The following MYO5B variants were observed in gnomAD, a reference collection of about 807,000 sequenced individuals.
The protein encoded by MYO5B is unconventional myosin-Vb.
A neutral mutation model predicts 229.3 loss-of-function variants in MYO5B; 143 were observed. That is an observed-to-expected ratio of 0.62 (90% CI 0.54 to 0.72). MYO5B has a LOEUF of 0.72. MYO5B is among the 30% of genes least tolerant of loss of function. The pLI, the probability that MYO5B is intolerant of heterozygous loss-of-function variation, is 0.00. For synonymous variants in MYO5B, 918 were observed against 885.2 expected (o/e 1.04, Z -0.66); for missense variants, 2,321 against 2,331.0 (o/e 1.00, Z 0.09).
chr18:50,158,134 C>T (rs1370783178), intron 1 of MYO5B, among the ~76,000 whole-genome samples: 2 of 152,144 alleles, frequency 1.3e-5, no homozygotes, highest in East Asian at 3.9e-4. Flanking sequence ...GAGAGGGATC[C>T]AGCAAATAAT....
intron 14 of MYO5B, among the ~76,000 whole-genome samples, chr18:49,952,943 C>T (rs149430307): frequency 1.2e-3 from 178 of 152,096 alleles, no homozygotes; most frequent in Non-Finnish European, 2.2e-3. Flanking sequence ...GCTCACCGTC[C>T]TCTCTTCCTG....
chr18:50,119,595 G>A (rs956986157), intron 1 of MYO5B, among the ~76,000 whole-genome samples: 2 of 152,156 alleles, frequency 1.3e-5, no homozygotes, highest in African/African-American at 4.8e-5. Flanking sequence ...GAGCTTTCCC[G>A]AAGTCCCAGG....
chr18:50,120,253 C>T (rs150158597), intron 1 of MYO5B, among the ~76,000 whole-genome samples: 2 of 152,280 alleles, frequency 1.3e-5, no homozygotes, highest in Non-Finnish European at 2.9e-5. Context: ...CAGGAAGCAC[C>T]GAGTGTAAAT....
intron 1 of MYO5B, among the ~76,000 whole-genome samples, chr18:50,073,266 A>C (rs1334983050): frequency 6.6e-6 from 1 of 152,220 alleles, no homozygotes; most frequent in Non-Finnish European, 1.5e-5. Flanking sequence ...CATACCAGCA[A>C]ATAATTTATA....
intron 1 of MYO5B, among the ~76,000 whole-genome samples, chr18:50,102,435 C>A (rs956340976): frequency 1.3e-5 from 2 of 152,016 alleles, no homozygotes; most frequent in African/African-American, 4.8e-5. Flanking sequence ...AGCAGGAATA[C>A]GATCCAGGTG....
intron 22 of MYO5B, among the ~76,000 whole-genome samples, chr18:49,886,605 T>C (rs576588374): frequency 2.0e-5 from 3 of 150,432 alleles, no homozygotes; most frequent in South Asian, 2.1e-4. Context: ...AAACTAATTA[T>C]ACCAAGTTAT....
At chr18:49,881,815 A>G (rs1350220123) in intron 22 of MYO5B, among the ~76,000 whole-genome samples, 2 of 127,148 alleles carry the variant, frequency 1.6e-5, no homozygotes, top group African/African-American at 3.0e-5. Flanking sequence ...AAAAAAAAAA[A>G]AAAGTGCGAA....
chr18:49,962,238 T>C (rs201186703), intron 12 of MYO5B, 28 bp downstream of exon 12: 112 of 1,613,876 alleles, frequency 6.9e-5, no homozygotes, highest in South Asian at 1.1e-4. Flanking sequence ...TACCCTAGAA[T>C]TGAACTAATT....
chr18:50,009,388 C>G (rs760688104), intron 4 of MYO5B, among the ~76,000 whole-genome samples: 2 of 152,068 alleles, frequency 1.3e-5, no homozygotes, highest in Non-Finnish European at 2.9e-5. Flanking sequence ...TCAACAACAA[C>G]AACAACAACT....
rs1568596650 is a variant in MYO5B, at chr18:49,822,987, T to G, written c.*3484A>C. 2 of 152,076 alleles carry G rather than the reference T, an allele frequency of 1.3e-5. No individual in the cohort carries two copies. The highest frequency in any genetic ancestry group is 3.4e-3 in the Middle Eastern group (1 of 294). The allele number at this position is 152,076 out of a possible 1,614,324, so 9.4% of individuals were successfully genotyped here. A position where few individuals can be genotyped will look rare whatever the true frequency, so the allele number is the denominator to read the frequency against. On this transcript the variant is annotated 3_prime_UTR_variant, in exon 40 of 40. Coordinates refer to ENST00000285039, the MANE Select transcript of MYO5B (RefSeq NM_001080467.3). ...GTTGGATTCACCCCTGAATATGATC[T>G]GAACTCTTTCAGAGAGGCAGTCCTT...
intron 1 of MYO5B, 123 bp downstream of exon 1, chr18:50,194,644 G>A (rs2033275597): frequency 1.5e-6 from 1 of 652,724 alleles, no homozygotes; most frequent in Non-Finnish European, 2.6e-6. Context: ...GGAGGACACC[G>A]CGGAGGGGGG....
intron 3 of MYO5B, 27 bp downstream of exon 3, chr18:50,040,116 T>C (rs1488129845): frequency 2.5e-6 from 4 of 1,613,392 alleles, no homozygotes; most frequent in Admixed American, 1.7e-5. Flanking sequence ...TTCCAACGCA[T>C]GCAGCCAACA....
Position 50,194,910 on chromosome 18 carries a change from G to GATCTTCTCT in MYO5B, c.-118_-117insAGAGAAGAT. On this transcript the variant is annotated 5_prime_UTR_variant, in exon 1 of 40. Transcript: ENST00000285039. ...TGGCCTGGAGTTTCTCGATCTTCTC[G>GATCTTCTCT]CTCTTCTCCGACCTGCCCCGCCGGC... 8.3e-7 allele frequency: 1 copy of GATCTTCTCT among 1,204,500 alleles called. No homozygotes were observed. The highest frequency in any genetic ancestry group is 1.0e-6 in the Non-Finnish European group (1 of 968,628). 74.6% of individuals were successfully genotyped at this position (1,204,500 alleles called of 1,614,324 possible). A position where few individuals can be genotyped will look rare whatever the true frequency, so the allele number is the denominator to read the frequency against.
intron 17 of MYO5B, among the ~76,000 whole-genome samples, chr18:49,918,624 T>C (rs1375712873): frequency 6.6e-6 from 1 of 152,198 alleles, no homozygotes; most frequent in Non-Finnish European, 1.5e-5. Flanking sequence ...CAGGAACCTA[T>C]GAGCCTCAGT....
At chr18:50,160,086 A>G (rs1475552908) in intron 1 of MYO5B, among the ~76,000 whole-genome samples, 1 of 152,254 alleles carries the variant, frequency 6.6e-6, no homozygotes, top group African/African-American at 2.4e-5. Context: ...GCTAACACGC[A>G]CAACGTACCA....
intron 2 of MYO5B, among the ~76,000 whole-genome samples, chr18:50,045,141 T>C (rs1483554649): frequency 6.6e-6 from 1 of 152,218 alleles, no homozygotes; most frequent in Non-Finnish European, 1.5e-5. Context: ...AACTCAGTTT[T>C]GTATGCCTAG....
intron 1 of MYO5B, among the ~76,000 whole-genome samples, chr18:50,103,357 G>A (rs74808128): frequency 1.3e-5 from 2 of 152,202 alleles, no homozygotes; most frequent in African/African-American, 4.8e-5. Flanking sequence ...GACCCTCCCT[G>A]GAAGTTAGAA....
chr18:49,906,455 G>C lies in MYO5B; in HGVS notation c.2378C>G (p.Thr793Ser), dbSNP rs1186500048. 12 of 1,614,042 alleles carry C rather than the reference G, an allele frequency of 7.4e-6. No individual in the cohort carries two copies. Among genetic ancestry groups the C allele is most frequent in the Non-Finnish European group, 9.3e-6 (11 of 1,180,044 alleles). Residue 793 changes from threonine (T) to serine (S), a missense_variant, in exon 19 of 40, where the codon ACC (threonine) becomes AGC (serine). By Grantham distance (58) the Thr-to-Ser change is moderately conservative. Around this residue, in one of 2 missense-constraint regions of MYO5B, gnomAD observed 2,113 missense variants for 2,044.7 expected, o/e 1.03. Transcript: ENST00000285039. Reference protein sequence around the residue: ...KYHRLKGATLTLQRYCRGHLA... With the variant: ...KYHRLKGATLSLQRYCRGHLA... Reference sequence around the variant, plus strand: ...GTGTCCCCGGCAGTACCTCTGCAGGGTTAAGGTAGCCCCCTTCAGCCTGTG... The same window carrying C: ...GTGTCCCCGGCAGTACCTCTGCAGGCTTAAGGTAGCCCCCTTCAGCCTGTG...
intron 5 of MYO5B, among the ~76,000 whole-genome samples, chr18:49,998,336 T>C (rs1455454241): frequency 6.6e-6 from 1 of 152,144 alleles, no homozygotes; most frequent in East Asian, 1.9e-4. Context: ...CACTGTAGCA[T>C]TTATTTACAT....
Sources: gnomAD v4.1 joint callset for allele counts (sites outside exome capture counted in the v4.1 genomes callset) on GRCh38, gnomAD v4.1.1 for gene constraint, gnomAD v4.1.1 regional missense constraint, MANE v1.5 for transcripts, NCBI Gene and HGNC (gene_info 2026-07-23, HGNC 2026-07-21) for gene names.